Variants in PCDHGA12 observed in about 807,000 individuals in gnomAD.
The protein encoded by PCDHGA12 is protocadherin gamma subfamily A, 12.
Under a neutral mutation model 61.1 loss-of-function variants are expected in PCDHGA12, and 43 were observed. The observed-to-expected ratio is 0.70, with a 90% confidence interval of 0.55 to 0.91. The LOEUF (loss-of-function observed/expected upper bound fraction) is 0.91. Among genes scored for constraint, PCDHGA12 ranks in the 40% least tolerant of loss-of-function variants. The pLI, the probability that PCDHGA12 is intolerant of heterozygous loss-of-function variation, is 0.00. For synonymous variants in PCDHGA12, 520 were observed against 542.9 expected (o/e 0.96, Z 0.59); for missense variants, 1,236 against 1,227.7 (o/e 1.01, Z -0.10).
chr5:141,477,569 G>A lies in PCDHGA12; in HGVS notation c.2425-17238G>A. The A allele has an allele frequency of 6.2e-7, 1 of 1,614,104 alleles. No homozygotes were observed. Among genetic ancestry groups the A allele is most frequent in the Non-Finnish European group, 8.5e-7 (1 of 1,180,024 alleles). On this transcript the variant is annotated intron_variant, in intron 1 of 3. Coordinates refer to ENST00000252085, the MANE Select transcript of PCDHGA12 (RefSeq NM_003735.3). This position sits in a 1 kb window ranked among gnomAD's most constrained non-coding sequence, Gnocchi z 4.9. ...ACTAAACCTAAGTGTCTGGGACCCC[G>A]ACGCCCCGCAGAATGCTCGGCTTTC...
rs1282403944 is a variant in PCDHGA12 at position 141,485,452 on chromosome 5, G to A, written c.2425-9355G>A. ...TCATCAAGAACCCAATCGACCGAGA[G>A]GCACTGTGTGGGCTCAGTGCCAGCT... On this transcript the variant is annotated intron_variant, in intron 1 of 3. Transcript: ENST00000252085. The surrounding 1 kb of genome is among the most constrained non-coding windows in gnomAD (Gnocchi z 5.7). 2.5e-6 allele frequency: 4 copies of A among 1,614,054 alleles called. No individual in the cohort carries two copies. Among genetic ancestry groups the A allele is most frequent in the East Asian group, 4.5e-5 (2 of 44,884 alleles).
chr5:141,439,680 A>T (rs1478261632), intron 1 of PCDHGA12, among the ~76,000 whole-genome samples: 1 of 152,236 alleles, frequency 6.6e-6, no homozygotes, highest in African/African-American at 2.4e-5. Context: ...ATCCAAGAGC[A>T]GACCCACAAC....
chr5:141,444,194 G>A (rs1209269773), intron 1 of PCDHGA12, among the ~76,000 whole-genome samples: 1 of 67,352 alleles, frequency 1.5e-5, no homozygotes, highest in Non-Finnish European at 2.7e-5. Flanking sequence ...TTTTTGAGAT[G>A]GAGTTTCACT....
Position 141,487,247 on chromosome 5 carries a change from T to C in PCDHGA12, c.2425-7560T>C. Reference sequence around the variant, plus strand: ...GGAAGGAGAATCTCGTCTAACCCTCTACTTGGCTGTGTCCCTAGTGGCAAT... The same window carrying C: ...GGAAGGAGAATCTCGTCTAACCCTCCACTTGGCTGTGTCCCTAGTGGCAAT... On this transcript the variant is annotated intron_variant, in intron 1 of 3. Transcript: ENST00000252085. This position sits in a 1 kb window ranked among gnomAD's most constrained non-coding sequence, Gnocchi z 5.0. 1 of 1,614,174 alleles carries C rather than the reference T, an allele frequency of 6.2e-7. No individual in the cohort carries two copies. The highest frequency in any genetic ancestry group is 1.3e-5 in the African/African-American group (1 of 75,048).
intron 1 of PCDHGA12, chr5:141,478,520 G>C (rs1474701976): frequency 1.2e-6 from 2 of 1,610,510 alleles, no homozygotes; most frequent in East Asian, 4.5e-5. Context: ...GCAGGTGTTG[G>C]GTGCAGAGAG....
In PCDHGA12 at chr5:141,486,397, G is replaced by T; in HGVS notation, c.2425-8410G>T. 6.2e-7 allele frequency: 1 copy of T among 1,614,164 alleles called. No individual in the cohort carries two copies. Among genetic ancestry groups the T allele is most frequent in the East Asian group, 2.2e-5 (1 of 44,872 alleles). On this transcript the variant is annotated intron_variant, in intron 1 of 3. Coordinates refer to ENST00000252085, the MANE Select transcript of PCDHGA12 (RefSeq NM_003735.3). The surrounding 1 kb of genome is among the most constrained non-coding windows in gnomAD (Gnocchi z 5.0). ...CCTTCAGGAACCAGTTCTCCCTGGTGACTGCTGGACCCTTGGATCGAGAGG... is the reference window on the plus strand; with the variant it reads ...CCTTCAGGAACCAGTTCTCCCTGGTTACTGCTGGACCCTTGGATCGAGAGG...
rs200533514 is a variant in PCDHGA12 at position 141,476,315 on chromosome 5, C to T, written c.2425-18492C>T. On this transcript the variant is annotated intron_variant, in intron 1 of 3. Transcript: ENST00000252085. This position sits in a 1 kb window ranked among gnomAD's most constrained non-coding sequence, Gnocchi z 7.6. The stretch of plus-strand genomic sequence containing the variant: ...CGGTAGCCTCTCAGCCCGCAGGTTC[C>T]GGGTGGTGTCTGGAGCTAGCCGAAG... 264 of 1,613,910 alleles carry T rather than the reference C, an allele frequency of 1.6e-4. No homozygotes were observed. The highest frequency in any genetic ancestry group is 2.1e-4 in the Non-Finnish European group (248 of 1,180,024).
intron 1 of PCDHGA12, among the ~76,000 whole-genome samples, chr5:141,483,778 G>T (rs1012545478): frequency 1.6e-4 from 24 of 152,222 alleles, no homozygotes; most frequent in African/African-American, 5.8e-4. Context: ...ATTGGGGAAG[G>T]ATAAGAACTC....
intron 1 of PCDHGA12, among the ~76,000 whole-genome samples, chr5:141,467,854 T>C (rs1337373000): frequency 6.6e-6 from 1 of 151,968 alleles, no homozygotes; most frequent in Admixed American, 6.6e-5. Flanking sequence ...GAATGAGATT[T>C]CACCATGTTG....
rs922804811 is a variant in PCDHGA12 at position 141,432,794 on chromosome 5, G to A, written c.2035G>A (p.Glu679Lys). The change falls in exon 1 of 4, where the codon GAG becomes AAG. Residue 679 changes from glutamate (E) to lysine (K), a missense_variant. Coordinates refer to ENST00000252085, the MANE Select transcript of PCDHGA12 (RefSeq NM_003735.3). This position sits in a 1 kb window ranked among gnomAD's most constrained non-coding sequence, Gnocchi z 6.0. ...AGTCCTGGCGGACCTCGGCAGCCTC[G>A]AGTCTCCAGCTAACTCTGAAACCTC... Reference protein sequence around the residue: ...PQVLADLGSLESPANSETSDL... With the variant: ...PQVLADLGSLKSPANSETSDL... The A allele has an allele frequency of 3.7e-6, 6 of 1,614,138 alleles. No homozygotes were observed. Among genetic ancestry groups the A allele is most frequent in the Non-Finnish European group, 5.1e-6 (6 of 1,180,000 alleles).
At chr5:141,482,611 G>A (rs1016481108) in intron 1 of PCDHGA12, among the ~76,000 whole-genome samples, 3 of 150,398 alleles carry the variant, frequency 2.0e-5, no homozygotes, top group African/African-American at 7.4e-5. Context: ...ACACCTAAAT[G>A]AGCCTGGAGA....
At position 141,493,887 on chromosome 5, in the gene PCDHGA12, G is replaced by C. The variant is rs760575047; in HGVS notation, c.2425-920G>C. On this transcript the variant is annotated intron_variant, in intron 1 of 3. Transcript: ENST00000252085. This position sits in a 1 kb window ranked among gnomAD's most constrained non-coding sequence, Gnocchi z 4.3. Reference sequence around the variant, plus strand: ...AGAACCAGTGAGGAGGTGGCTCTAGGAGTGCTCCATGAGAGTGTGTGATGG... The same window carrying C: ...AGAACCAGTGAGGAGGTGGCTCTAGCAGTGCTCCATGAGAGTGTGTGATGG... Among the ~76,000 whole-genome samples, 11 of 152,184 alleles carry C rather than the reference G, an allele frequency of 7.2e-5. No homozygotes were observed. Among genetic ancestry groups the C allele is most frequent in the Non-Finnish European group, 1.2e-4 (8 of 68,026 alleles).
rs371964437 is a variant in PCDHGA12, at chr5:141,511,404, C to T, written c.*231C>T. On this transcript the variant is annotated 3_prime_UTR_variant, in exon 4 of 4. Coordinates refer to ENST00000252085, the MANE Select transcript of PCDHGA12 (RefSeq NM_003735.3). ...CCGCTGGGAACCCCCATCCAATCAA[C>T]TGCTGTACCCATGGGGGTAGTGGGG... The T allele has an allele frequency of 7.7e-5, 73 of 947,014 alleles. No individual in the cohort carries two copies. In the East Asian group the frequency reaches 1.8e-3, roughly 23 times the overall value. The allele number at this position is 947,014 out of a possible 1,614,324, so 58.7% of individuals were successfully genotyped here.
At chr5:141,436,425 G>A (rs2097823674) in intron 1 of PCDHGA12, among the ~76,000 whole-genome samples, 2 of 152,268 alleles carry the variant, frequency 1.3e-5, no homozygotes, top group Non-Finnish European at 2.9e-5. Context: ...AACAAATAAT[G>A]TACTCTGGGG....
chr5:141,432,264 C>A lies in PCDHGA12; in HGVS notation c.1505C>A (p.Ser502Ter). Residue 502 changes from serine to a stop codon, truncating the protein, a stop_gained, in exon 1 of 4, where the codon TCG (serine) becomes TAG (stop). Transcript: ENST00000252085. LOFTEE classifies it high-confidence loss of function. The surrounding 1 kb of genome is among the most constrained non-coding windows in gnomAD (Gnocchi z 6.0). Reference sequence around the variant, plus strand: ...AACACCATCCAAGGGGCAAGCCTATCGTCCTACGTGTCCATCAACTCCGAC... The same window carrying A: ...AACACCATCCAAGGGGCAAGCCTATAGTCCTACGTGTCCATCAACTCCGAC... The part of the protein sequence containing the change: ...AENTIQGASL[S>*]SYVSINSDTG... 5 of 1,614,252 alleles carry A rather than the reference C, an allele frequency of 3.1e-6. No homozygotes were observed. Among genetic ancestry groups the A allele is most frequent in the Non-Finnish European group, 4.2e-6 (5 of 1,180,044 alleles).
intron 2 of PCDHGA12, among the ~76,000 whole-genome samples, chr5:141,497,781 C>T (rs2099779421): frequency 1.3e-5 from 2 of 152,192 alleles, no homozygotes; most frequent in African/African-American, 4.8e-5. Flanking sequence ...CTCAACTGAT[C>T]CACCTGCTTC....
At position 141,485,120 on chromosome 5, in the gene PCDHGA12, G is replaced by T; in HGVS notation, c.2425-9687G>T. The T allele has an allele frequency of 7.4e-7, 1 of 1,348,050 alleles. No individual in the cohort carries two copies. Among genetic ancestry groups the T allele is most frequent in the Non-Finnish European group, 1.0e-6 (1 of 952,710 alleles). 83.5% of individuals were successfully genotyped at this position (1,348,050 alleles called of 1,614,324 possible). On this transcript the variant is annotated intron_variant, in intron 1 of 3. Transcript: ENST00000252085. The surrounding 1 kb of genome is among the most constrained non-coding windows in gnomAD (Gnocchi z 5.7). ...TCCAGCTGCTGTGGCTGTTTGGGGC[G>T]GGTCGGCTTCATCCGCGTCTCAGGA...
intron 1 of PCDHGA12, among the ~76,000 whole-genome samples, chr5:141,433,559 G>A (rs2154555800): frequency 6.6e-6 from 1 of 152,212 alleles, no homozygotes; most frequent in Non-Finnish European, 1.5e-5. Context: ...TTTCTGGCTG[G>A]GCGCGGTGGC....
At chr5:141,488,260 G>A (rs1297588710) in intron 1 of PCDHGA12, among the ~76,000 whole-genome samples, 2 of 152,182 alleles carry the variant, frequency 1.3e-5, no homozygotes, top group Non-Finnish European at 1.5e-5. Context: ...AGGTTGGGGC[G>A]GGTTGGTCAT....
Sources: gnomAD v4.1 joint callset for allele counts (sites outside exome capture counted in the v4.1 genomes callset) on GRCh38, gnomAD v4.1.1 for gene constraint, Gnocchi (gnomAD v3.1) non-coding constraint, MANE v1.5 for transcripts, NCBI Gene and HGNC (gene_info 2026-07-23, HGNC 2026-07-21) for gene names.